Variants in XG observed in about 807,000 individuals in gnomAD.
XG encodes glycoprotein Xg.
A neutral mutation model predicts 25.7 loss-of-function variants in XG; 24 were observed. The observed-to-expected ratio is 0.93, with a 90% CI of 0.68 to 1.31. The LOEUF (loss-of-function observed/expected upper bound fraction) is 1.31. Ranked by LOEUF, XG falls within the 40% of genes most tolerant of loss-of-function variation. The pLI is 0.00. For missense variants in XG, 181 were observed against 187.6 expected (o/e 0.96, Z 0.21); for synonymous variants, 77 against 69.2 (o/e 1.11, Z -0.56).
At chrX:2,773,021 A>G (rs1440151815) in intron 2 of XG, among the ~76,000 whole-genome samples, 1 of 140,576 alleles carries the variant, frequency 7.1e-6, no homozygotes, top group Non-Finnish European at 1.6e-5. Context: ...ATTTTAAAAA[A>G]TAGTTATAAT....
chrX:2,757,114 C>T (rs2050452921), intron 1 of XG, among the ~76,000 whole-genome samples: 1 of 152,076 alleles, frequency 6.6e-6, no homozygotes, highest in African/African-American at 2.4e-5. Context: ...GATGATCTTC[C>T]CCTGGAGTTT....
At chrX:2,806,883 A>G in intron 8 of XG, 138 bp downstream of exon 8, 1 of 511,201 alleles carries the variant, frequency 2.0e-6, no homozygotes, top group Non-Finnish European at 3.1e-6. Context: ...TCTCATTTGC[A>G]TTTTCCTTGG....
intron 1 of XG, among the ~76,000 whole-genome samples, chrX:2,757,551 T>C (rs1429054758): frequency 6.6e-6 from 1 of 152,046 alleles, no homozygotes; most frequent in African/African-American, 2.4e-5. Context: ...CTCTGAACAG[T>C]AGCAAATCAT....
intron 1 of XG, among the ~76,000 whole-genome samples, chrX:2,763,717 C>T (rs907778508): frequency 2.0e-5 from 3 of 152,214 alleles, no homozygotes; most frequent in Non-Finnish European, 4.4e-5. Flanking sequence ...ACCTCTGCCT[C>T]CTTGCCATTG....
intron 1 of XG, among the ~76,000 whole-genome samples, chrX:2,770,149 G>A (rs779594827): frequency 1.3e-5 from 2 of 152,156 alleles, no homozygotes; most frequent in Non-Finnish European, 2.9e-5. Flanking sequence ...CAGGAATGAA[G>A]CTCTGACACA....
intron 1 of XG, among the ~76,000 whole-genome samples, chrX:2,760,028 G>A (rs2050529100): frequency 6.6e-6 from 1 of 152,214 alleles, no homozygotes; most frequent in African/African-American, 2.4e-5. Flanking sequence ...GCGTGTGCCT[G>A]TAATCCCAGC....
chrX:2,776,806 C>A (rs1373442549), intron 3 of XG, among the ~76,000 whole-genome samples: 1 of 152,158 alleles, frequency 6.6e-6, no homozygotes. Context: ...CGAGATCTCC[C>A]ACTGCACTCC....
intron 8 of XG, among the ~76,000 whole-genome samples, chrX:2,807,002 G>T (rs1008778783): frequency 1.8e-5 from 2 of 112,561 alleles, no homozygotes; most frequent in Non-Finnish European, 3.7e-5. Flanking sequence ...GCACGTGTGT[G>T]TGTATACATA....
chrX:2,791,369 C>T (rs1033114192), intron 5 of XG, among the ~76,000 whole-genome samples: 3 of 111,689 alleles, frequency 2.7e-5, no homozygotes, highest in Non-Finnish European at 5.6e-5. Flanking sequence ...TGGATGTTGT[C>T]ATATTCCTAG....
chrX:2,754,452 T>C (rs2050392865), intron 1 of XG, among the ~76,000 whole-genome samples: 1 of 152,184 alleles, frequency 6.6e-6, no homozygotes, highest in East Asian at 1.9e-4. Flanking sequence ...TAGGCATGGA[T>C]TAACTTAGTT....
chrX:2,797,477 G>A, intron 7 of XG, 117 bp downstream of exon 7: 1 of 817,959 alleles, frequency 1.2e-6, no homozygotes, highest in Non-Finnish European at 1.8e-6. Context: ...TGAGTAGGGT[G>A]CTGTGTGCTG....
At chrX:2,762,181 C>A (rs903075246) in intron 1 of XG, among the ~76,000 whole-genome samples, 13 of 152,290 alleles carry the variant, frequency 8.5e-5, no homozygotes, top group African/African-American at 2.9e-4. Context: ...CCAAAGATGT[C>A]TTGCTTTTTG....
At chrX:2,793,443 A>T (rs2086855306) in intron 5 of XG, among the ~76,000 whole-genome samples, 1 of 112,046 alleles carries the variant, frequency 8.9e-6, no homozygotes, top group African/African-American at 3.2e-5. Context: ...GCAGAGGCAC[A>T]GGTGAACGCA....
intron 1 of XG, among the ~76,000 whole-genome samples, chrX:2,762,112 C>T (rs769379803): frequency 1.3e-5 from 2 of 152,320 alleles, no homozygotes; most frequent in African/African-American, 4.8e-5. Flanking sequence ...GTTTATAACA[C>T]ACCGTCAACC....
intron 3 of XG, among the ~76,000 whole-genome samples, chrX:2,777,687 A>G (rs2051030552): frequency 6.6e-6 from 1 of 152,248 alleles, no homozygotes; most frequent in Non-Finnish European, 1.5e-5. Context: ...ATAAAATAGT[A>G]GGAATAGTGA....
chrX:2,768,474 A>G (rs1174437969), intron 1 of XG, among the ~76,000 whole-genome samples: 1 of 152,152 alleles, frequency 6.6e-6, no homozygotes. Flanking sequence ...GATGATCAAG[A>G]GCGCTGGAGG....
intron 3 of XG, among the ~76,000 whole-genome samples, chrX:2,780,749 G>A (rs1239633437): frequency 2.0e-5 from 3 of 151,754 alleles, no homozygotes; most frequent in Admixed American, 6.6e-5. Context: ...TATTGGTTCC[G>A]TCTGGAAAGG....
At chrX:2,776,805 C>G (rs2051006773) in intron 3 of XG, among the ~76,000 whole-genome samples, 2 of 150,398 alleles carry the variant, frequency 1.3e-5, no homozygotes, top group African/African-American at 4.9e-5. Flanking sequence ...CCGAGATCTC[C>G]CACTGCACTC....
At chrX:2,761,385 G>A (rs1395368639) in intron 1 of XG, among the ~76,000 whole-genome samples, 1 of 152,110 alleles carries the variant, frequency 6.6e-6, no homozygotes, top group Admixed American at 6.5e-5. Context: ...CAGCCTCCAG[G>A]ACTGTGGGAG....
Sources: allele counts gnomAD v4.1 joint callset (sites outside exome capture counted in the v4.1 genomes callset), GRCh38; gene constraint gnomAD v4.1.1; transcripts MANE v1.5; gene names NCBI Gene and HGNC (gene_info 2026-07-23, HGNC 2026-07-21).